PRDM10: variants seen among roughly 807,000 people sequenced by gnomAD.
The protein encoded by PRDM10 is PR domain zinc finger protein 10.
Under a neutral mutation model 133.1 loss-of-function variants are expected in PRDM10, and 65 were observed. That is an observed-to-expected ratio of 0.49 (90% confidence interval 0.40 to 0.60). The LOEUF is 0.60. Among genes scored for constraint, PRDM10 ranks in the 20% least tolerant of loss-of-function variants. The pLI is 0.00. For missense variants in PRDM10, 1,137 were observed against 1,507.1 expected, an observed-to-expected ratio of 0.75 and a Z score of 4.07; for synonymous variants, 582 against 580.4, an observed-to-expected ratio of 1.00 and a Z score of -0.04.
Position 129,947,212 on chromosome 11 carries a change from GTCT to G in PRDM10, c.450_452del (p.Glu150del), listed in dbSNP as rs766904736. On this transcript the variant is annotated inframe_deletion, in exon 5 of 21. Coordinates refer to ENST00000360871, the MANE Select transcript of PRDM10 (RefSeq NM_199437.2). This position sits in a 1 kb window ranked among gnomAD's most constrained non-coding sequence, Gnocchi z 4.6. ...AGTCATCCAGATCCGTGTCCTCACC[GTCT>G]TCTTCCTCATCTTCCTCAGTGTCCT... The G allele has an allele frequency of 7.4e-6, 12 of 1,614,024 alleles. No individual in the cohort carries two copies. The African/African-American group carries it at 1.2e-4, about 16-fold the overall frequency.
At chr11:129,928,525 G>A (rs1447326341) in intron 11 of PRDM10, among the ~76,000 whole-genome samples, 1 of 151,988 alleles carries the variant, frequency 6.6e-6, no homozygotes, top group Non-Finnish European at 1.5e-5. Flanking sequence ...GAGTAGCTGA[G>A]ACTACAGGTG....
intron 1 of PRDM10, among the ~76,000 whole-genome samples, chr11:129,963,614 C>T (rs1462896276): frequency 2.0e-5 from 3 of 151,790 alleles, no homozygotes; most frequent in African/African-American, 7.3e-5. Context: ...TTTACTATTT[C>T]CCCTCTTTCT....
intron 19 of PRDM10, among the ~76,000 whole-genome samples, chr11:129,909,449 C>CA (rs564558552): frequency 0.013 from 1,565 of 120,978 alleles, 14 homozygotes; most frequent in African/African-American, 0.024. Flanking sequence ...GACCCCATCT[C>CA]AAAAAAAAAA....
At chr11:129,930,182 A>G (rs1195020374) in intron 11 of PRDM10, among the ~76,000 whole-genome samples, 1 of 149,908 alleles carries the variant, frequency 6.7e-6, no homozygotes, top group Non-Finnish European at 1.5e-5. Context: ...GCATGTAGAA[A>G]TTGTAAAGCC....
At chr11:129,913,811 A>G (rs1488950082) in intron 17 of PRDM10, among the ~76,000 whole-genome samples, 1 of 152,196 alleles carries the variant, frequency 6.6e-6, no homozygotes, top group Non-Finnish European at 1.5e-5. Context: ...TCAGAGACCA[A>G]ATGATTTCAA....
intron 13 of PRDM10, among the ~76,000 whole-genome samples, chr11:129,919,420 T>C (rs1950456571): frequency 6.6e-6 from 1 of 152,202 alleles, no homozygotes; most frequent in Non-Finnish European, 1.5e-5. Context: ...AAACATTATA[T>C]TTTTCTAAAT....
At chr11:129,933,959 C>T (rs1028409447) in intron 9 of PRDM10, among the ~76,000 whole-genome samples, 3 of 152,300 alleles carry the variant, frequency 2.0e-5, no homozygotes, top group Middle Eastern at 3.4e-3. Flanking sequence ...TTCAGCCACG[C>T]GAGCATCTCC....
At chr11:129,911,118 A>T (rs183225826) in intron 18 of PRDM10, among the ~76,000 whole-genome samples, 1 of 152,320 alleles carries the variant, frequency 6.6e-6, no homozygotes, top group Non-Finnish European at 1.5e-5. Context: ...ATAAGAATAA[A>T]CTCAATGAAA....
chr11:129,936,713 C>G (rs537303863), intron 8 of PRDM10, among the ~76,000 whole-genome samples: 2 of 152,120 alleles, frequency 1.3e-5, no homozygotes, highest in South Asian at 4.2e-4. Context: ...AATTATCAAA[C>G]CTGAGGAGCT....
chr11:129,905,760 T>C lies in PRDM10; in HGVS notation c.3164-19A>G. 1 of 1,601,368 alleles carries C rather than the reference T, an allele frequency of 6.2e-7. No individual in the cohort carries two copies. The highest frequency in any genetic ancestry group is 8.6e-7 in the Non-Finnish European group (1 of 1,168,804). Reference sequence around the variant, plus strand: ...TCAGATGCTAAAAAACAGGAAATATTCATAGTTCAGTGGTCTCAGATTTTA... The same window carrying C: ...TCAGATGCTAAAAAACAGGAAATATCCATAGTTCAGTGGTCTCAGATTTTA... On this transcript the variant is annotated intron_variant, in intron 19 of 20. Coordinates refer to ENST00000360871, the MANE Select transcript of PRDM10 (RefSeq NM_199437.2).
intron 1 of PRDM10, among the ~76,000 whole-genome samples, chr11:129,972,025 G>A (rs1952040509): frequency 6.6e-6 from 1 of 152,232 alleles, no homozygotes. Flanking sequence ...CAGCGCCAGT[G>A]GGCCGGGACC....
At position 129,918,900 on chromosome 11, in the gene PRDM10, G is replaced by A. The variant is rs190554475; in HGVS notation, c.2035-182C>T. ...TGGCTGGGAGTTACTCTGTTCACTA[G>A]CAAATATGTGCATTCCAATGAACCT... On this transcript the variant is annotated intron_variant, in intron 13 of 20. Transcript: ENST00000360871. The surrounding 1 kb of genome is among the most constrained non-coding windows in gnomAD (Gnocchi z 5.3). Among the ~76,000 whole-genome samples, 685 of 152,250 alleles carry A rather than the reference G, an allele frequency of 4.5e-3. 17 individuals carry two copies. The highest frequency in any genetic ancestry group is 0.038 in the Admixed American group (581 of 15,286).
At chr11:129,974,470 C>G (rs1026975847) in intron 1 of PRDM10, among the ~76,000 whole-genome samples, 1 of 151,756 alleles carries the variant, frequency 6.6e-6, no homozygotes, top group African/African-American at 2.4e-5. Context: ...AAAGAAGGAA[C>G]TGGATAAACA....
At chr11:129,938,845 C>G (rs1378203209) in intron 7 of PRDM10, among the ~76,000 whole-genome samples, 1 of 152,224 alleles carries the variant, frequency 6.6e-6, no homozygotes, top group Non-Finnish European at 1.5e-5. Flanking sequence ...CCTGGAAAAG[C>G]AAACTCAGCC....
intron 18 of PRDM10, 80 bp from the exon 19 acceptor site, chr11:129,910,736 C>A: frequency 2.5e-6 from 3 of 1,217,670 alleles, no homozygotes; most frequent in Non-Finnish European, 3.3e-6. Flanking sequence ...GAAGGAAGTA[C>A]ACCAGACTCA....
intron 18 of PRDM10, 105 bp downstream of exon 18, chr11:129,911,979 CA>C (rs1950197773): frequency 1.5e-6 from 2 of 1,325,824 alleles, no homozygotes; most frequent in African/African-American, 1.5e-5. Context: ...CCAAAAATAA[CA>C]GTAGCTGAGG....
chr11:129,938,219 T>G (rs1283606114), intron 7 of PRDM10, among the ~76,000 whole-genome samples: 1 of 151,648 alleles, frequency 6.6e-6, no homozygotes, highest in African/African-American at 2.4e-5. Flanking sequence ...CCACATTCAT[T>G]TCCAACCAAC....
Position 129,947,596 on chromosome 11 carries a change from C to T in PRDM10, c.295-226G>A. 1 of 1,391,566 alleles carries T rather than the reference C, an allele frequency of 7.2e-7. No individual in the cohort carries two copies. The highest frequency in any genetic ancestry group is 1.5e-5 in the South Asian group (1 of 65,104). 86.2% of individuals were successfully genotyped at this position (1,391,566 alleles called of 1,614,324 possible). A position where few individuals can be genotyped will look rare whatever the true frequency, so the allele number is the denominator to read the frequency against. On this transcript the variant is annotated intron_variant, in intron 4 of 20. Coordinates refer to ENST00000360871, the MANE Select transcript of PRDM10 (RefSeq NM_199437.2). This position sits in a 1 kb window ranked among gnomAD's most constrained non-coding sequence, Gnocchi z 4.6. ...CTTTAAGCCTCTGCCCTCCCTCTGCCCCTTCTGTCCCACACCTGGGAGGGC... is the reference window on the plus strand; with the variant it reads ...CTTTAAGCCTCTGCCCTCCCTCTGCTCCTTCTGTCCCACACCTGGGAGGGC...
intron 13 of PRDM10, among the ~76,000 whole-genome samples, chr11:129,922,932 T>C (rs573823124): frequency 1.3e-5 from 2 of 152,236 alleles, no homozygotes; most frequent in African/African-American, 4.8e-5. Flanking sequence ...GATCTGAATG[T>C]TAAGTAAAGG....
Sources: gnomAD v4.1 joint callset for allele counts (sites outside exome capture counted in the v4.1 genomes callset) on GRCh38, gnomAD v4.1.1 for gene constraint, Gnocchi (gnomAD v3.1) non-coding constraint, MANE v1.5 for transcripts, NCBI Gene and HGNC (gene_info 2026-07-23, HGNC 2026-07-21) for gene names.